Variants in GALK2 observed in about 807,000 individuals in gnomAD.
The protein encoded by GALK2 is galactokinase 2, also known as N-acetylgalactosamine kinase.
In GALK2, 36 loss-of-function variants were observed where a neutral mutation model predicts 52.4. The ratio of observed to expected loss-of-function variants is 0.69; its 90% CI spans 0.53 to 0.91. The LOEUF (loss-of-function observed/expected upper bound fraction) is 0.91, where lower values mean the gene tolerates loss of function less well. GALK2 is among the 40% of genes least tolerant of loss of function. GALK2 has a pLI of 0.00. For synonymous variants in GALK2, 176 were observed against 199.1 expected (o/e 0.88, Z 0.98); for missense variants, 579 against 559.1 (o/e 1.04, Z -0.36).
At chr15:49,242,516 A>T (rs1469082936) in intron 5 of GALK2, among the ~76,000 whole-genome samples, 6 of 152,362 alleles carry the variant, frequency 3.9e-5, no homozygotes, top group Non-Finnish European at 7.3e-5. Flanking sequence ...AGCCTGTTTG[A>T]TAAGGACACT....
At chr15:49,230,180 AT>A (rs1307978400) in intron 3 of GALK2, among the ~76,000 whole-genome samples, 1 of 152,080 alleles carries the variant, frequency 6.6e-6, no homozygotes, top group Admixed American at 6.5e-5. Context: ...GGATCTCAGG[AT>A]AGTGATGTGC....
At position 49,186,580 on chromosome 15, in the gene GALK2, G is replaced by A. The variant is rs138385524; in HGVS notation, c.54-14582G>A. On this transcript the variant is annotated intron_variant, in intron 1 of 9. Coordinates refer to ENST00000560031, the MANE Select transcript of GALK2 (RefSeq NM_002044.4). ...TTTTGAGATGGAGTCTCACTCTGTCGTCAGGCTGGAGTGCAGTGGTGCAAT... is the reference window on the plus strand; with the variant it reads ...TTTTGAGATGGAGTCTCACTCTGTCATCAGGCTGGAGTGCAGTGGTGCAAT... Among the ~76,000 whole-genome samples the A allele has an allele frequency of 8.5e-3, 1,153 of 135,526 alleles. 41 individuals are homozygous for A. Among genetic ancestry groups the A allele is most frequent in the South Asian group, 0.078 (347 of 4,424 alleles). The allele number at this position is 135,526 out of a possible 152,430, so 88.9% of individuals were successfully genotyped here. A position where few individuals can be genotyped will look rare whatever the true frequency, so the allele number is the denominator to read the frequency against.
intron 7 of GALK2, among the ~76,000 whole-genome samples, chr15:49,285,371 C>T (rs530139467): frequency 3.1e-4 from 47 of 152,264 alleles, no homozygotes; most frequent in African/African-American, 1.1e-3. Context: ...CACCGACCCA[C>T]CCTGGGCAGG....
chr15:49,166,657 C>A (rs553877492), upstream of GALK2, among the ~76,000 whole-genome samples: 1 of 152,212 alleles, frequency 6.6e-6, no homozygotes, highest in South Asian at 2.1e-4. Context: ...TTGCAGTGAG[C>A]CGAGATCGCG....
intron 1 of GALK2, among the ~76,000 whole-genome samples, chr15:49,187,815 G>A (rs2141248593): frequency 6.6e-6 from 1 of 152,078 alleles, no homozygotes; most frequent in Admixed American, 6.5e-5. Flanking sequence ...CCTGGGCCTG[G>A]GATGCTCCCT....
intron 5 of GALK2, among the ~76,000 whole-genome samples, chr15:49,274,556 A>G (rs1449358477): frequency 2.0e-5 from 3 of 152,196 alleles, no homozygotes; most frequent in Non-Finnish European, 4.4e-5. Flanking sequence ...TGTAGGCTAC[A>G]CTAAATTTAT....
Position 49,328,751 on chromosome 15 carries a change from C to A in GALK2, c.*592C>A. 2 of 1,488,628 alleles carry A rather than the reference C, an allele frequency of 1.3e-6. No individual in the cohort carries two copies. The highest frequency in any genetic ancestry group is 1.4e-5 in the South Asian group (1 of 72,466). The allele number at this position is 1,488,628 out of a possible 1,614,324, so 92.2% of individuals were successfully genotyped here. Reference sequence around the variant, plus strand: ...ATAATTGAATTTGAATGTGAGATTTCTCCAGTTATCAAGAGACTAAGGATT... The same window carrying A: ...ATAATTGAATTTGAATGTGAGATTTATCCAGTTATCAAGAGACTAAGGATT... On this transcript the variant is annotated 3_prime_UTR_variant, in exon 10 of 10. Coordinates refer to ENST00000560031, the MANE Select transcript of GALK2 (RefSeq NM_002044.4).
chr15:49,278,305 C>G (rs758680471), intron 5 of GALK2, among the ~76,000 whole-genome samples: 23 of 152,122 alleles, frequency 1.5e-4, no homozygotes, highest in Non-Finnish European at 3.1e-4. Context: ...CATATATTTT[C>G]CTGTTTGCCT....
Position 49,239,349 on chromosome 15 carries a change from G to A in GALK2, c.486G>A (p.Leu162=). ...CCAGLVTLTV[L]GRNLSKVELA... ...CTGGCTTGGTGACGCTCACAGTGCTGGGAAGGAATCTATCCAAGGTAACTA... is the reference window on the plus strand; with the variant it reads ...CTGGCTTGGTGACGCTCACAGTGCTAGGAAGGAATCTATCCAAGGTAACTA... The change falls in exon 5 of 10, where the codon CTG becomes CTA. Residue 162 remains leucine, a synonymous_variant. Coordinates refer to ENST00000560031, the MANE Select transcript of GALK2 (RefSeq NM_002044.4). 1 of 1,613,968 alleles carries A rather than the reference G, an allele frequency of 6.2e-7. No individual in the cohort carries two copies. The highest frequency in any genetic ancestry group is 8.5e-7 in the Non-Finnish European group (1 of 1,179,938).
chr15:49,316,666 T>C lies in GALK2; in HGVS notation c.968-2938T>C, dbSNP rs146343050. 2.6e-3 allele frequency among the ~76,000 whole-genome samples: 402 copies of C among 152,146 alleles called. 3 individuals are homozygous for C. Among genetic ancestry groups the C allele is most frequent in the South Asian group, 8.1e-3 (39 of 4,812 alleles). On this transcript the variant is annotated intron_variant, in intron 8 of 9. Coordinates refer to ENST00000560031, the MANE Select transcript of GALK2 (RefSeq NM_002044.4). Reference sequence around the variant, plus strand: ...AAAATCAAGGGCAAAAAAAAAATTATTGGCTCATTAGTAGAAATGTAAAAG... The same window carrying C: ...AAAATCAAGGGCAAAAAAAAAATTACTGGCTCATTAGTAGAAATGTAAAAG...
chr15:49,195,818 CT>C (rs200025072), intron 1 of GALK2, among the ~76,000 whole-genome samples: 97 of 138,326 alleles, frequency 7.0e-4, no homozygotes, highest in South Asian at 9.3e-4. Context: ...AAGAGAGGGG[CT>C]TTTTTTTTTT....
At chr15:49,282,584 T>A (rs1174598400) in intron 6 of GALK2, among the ~76,000 whole-genome samples, 1 of 152,226 alleles carries the variant, frequency 6.6e-6, no homozygotes, top group East Asian at 1.9e-4. Flanking sequence ...GGAAAAAGAA[T>A]GTTGCCAGTA....
chr15:49,217,895 T>C (rs925277607), intron 3 of GALK2, among the ~76,000 whole-genome samples: 2 of 152,216 alleles, frequency 1.3e-5, no homozygotes, highest in Non-Finnish European at 2.9e-5. Context: ...TAAAAAAGTT[T>C]ACTAATGGGT....
At chr15:49,189,983 A>G (rs1027992552) in intron 1 of GALK2, among the ~76,000 whole-genome samples, 2 of 152,198 alleles carry the variant, frequency 1.3e-5, no homozygotes, top group Non-Finnish European at 2.9e-5. Context: ...TCTAGGATGT[A>G]TACTATACTT....
At chr15:49,280,962 G>T (rs776236845) in intron 5 of GALK2, among the ~76,000 whole-genome samples, 1 of 152,080 alleles carries the variant, frequency 6.6e-6, no homozygotes, top group Non-Finnish European at 1.5e-5. Flanking sequence ...TCAGCCTCCT[G>T]AGTAGCTGTG....
rs574621881 is a variant in GALK2 at position 49,244,050 on chromosome 15, A to G, written c.504+4683A>G. ...GAAAAACAGGAAAATTTATGGATCA[A>G]TTCCAGAAATCCATCCAACTAGTAA... On this transcript the variant is annotated intron_variant, in intron 5 of 9. Coordinates refer to ENST00000560031, the MANE Select transcript of GALK2 (RefSeq NM_002044.4). Among the ~76,000 whole-genome samples, 24 of 152,234 alleles carry G rather than the reference A, an allele frequency of 1.6e-4. No homozygotes were observed. The South Asian group carries it at 4.8e-3, about 30-fold the overall frequency.
At position 49,192,485 on chromosome 15, in the gene GALK2, G is replaced by GTGTATATATA. The variant is rs1360198549; in HGVS notation, c.54-8676_54-8675insGTATATATAT. On this transcript the variant is annotated intron_variant, in intron 1 of 9. Coordinates refer to ENST00000560031, the MANE Select transcript of GALK2 (RefSeq NM_002044.4). The stretch of plus-strand genomic sequence containing the variant: ...TCTGCAATGAATATTATATATATAT[G>GTGTATATATA]TATATATATATATATATATATATAT... 9.6e-4 allele frequency among the ~76,000 whole-genome samples: 99 copies of GTGTATATATA among 102,966 alleles called. 1 individual carries two copies. The highest frequency in any genetic ancestry group is 2.1e-3 in the African/African-American group (53 of 24,714). The allele number at this position is 102,966 out of a possible 152,430, so 67.5% of individuals were successfully genotyped here. A position where few individuals can be genotyped will look rare whatever the true frequency, so the allele number is the denominator to read the frequency against.
chr15:49,175,015 G>A (rs1334012215), intron 1 of GALK2, among the ~76,000 whole-genome samples: 1 of 152,166 alleles, frequency 6.6e-6, no homozygotes, highest in African/African-American at 2.4e-5. Context: ...CACAGAGTCT[G>A]TCTTATACAA....
At chr15:49,299,774 TC>T (rs2034920082) in intron 8 of GALK2, among the ~76,000 whole-genome samples, 2 of 143,284 alleles carry the variant, frequency 1.4e-5, no homozygotes, top group African/African-American at 5.4e-5. Flanking sequence ...TTTCTTTCTT[TC>T]TTTCTTTCTT....
Sources: allele counts gnomAD v4.1 joint callset (sites outside exome capture counted in the v4.1 genomes callset), GRCh38; gene constraint gnomAD v4.1.1; transcripts MANE v1.5; gene names NCBI Gene and HGNC (gene_info 2026-07-23, HGNC 2026-07-21).